Variants in LRRC4C observed in about 807,000 individuals in gnomAD.
The protein encoded by LRRC4C is leucine rich repeat containing 4C, also known as leucine-rich repeat-containing protein 4C.
In LRRC4C, 5 loss-of-function variants were observed where a neutral mutation model predicts 33.6. The ratio of observed to expected loss-of-function variants is 0.15; its 90% confidence interval spans 0.08 to 0.31. The LOEUF is 0.31. Among genes scored for constraint, LRRC4C ranks in the 10% least tolerant of loss-of-function variants. The probability of loss-of-function intolerance (pLI) is 1.00; values close to 1 mark genes in which losing one functional copy is unlikely to be tolerated. For synonymous variants in LRRC4C, 329 were observed against 302.0 expected (o/e 1.09, Z -0.93); for missense variants, 560 against 796.7 (o/e 0.70, Z 3.58).
intron 3 of LRRC4C, among the ~76,000 whole-genome samples, chr11:40,565,039 G>T (rs1014847950): frequency 2.0e-5 from 3 of 152,170 alleles, no homozygotes; most frequent in Admixed American, 6.5e-5. Context: ...AACCAACCAA[G>T]ACCTGCAGAG....
chr11:40,674,492 A>G (rs1453410134), intron 2 of LRRC4C, among the ~76,000 whole-genome samples: 1 of 152,228 alleles, frequency 6.6e-6, no homozygotes, highest in Non-Finnish European at 1.5e-5. Context: ...GGATGTTGAC[A>G]GCAAACAGCC....
chr11:40,518,151 A>G (rs1191195876), intron 3 of LRRC4C, among the ~76,000 whole-genome samples: 5 of 152,202 alleles, frequency 3.3e-5, no homozygotes, highest in Admixed American at 2.6e-4. Flanking sequence ...TTAAACCATA[A>G]AAATCCTAGA....
At chr11:40,989,970 G>T (rs903079544) in intron 1 of LRRC4C, among the ~76,000 whole-genome samples, 1 of 151,626 alleles carries the variant, frequency 6.6e-6, no homozygotes, top group Non-Finnish European at 1.5e-5. Flanking sequence ...ATCTAGAGAT[G>T]ATTTAAAGTA....
chr11:40,368,338 A>T (rs1400907774), intron 3 of LRRC4C, among the ~76,000 whole-genome samples: 1 of 152,144 alleles, frequency 6.6e-6, no homozygotes, highest in Non-Finnish European at 1.5e-5. Context: ...TCTTAATCTT[A>T]GGTAATGACT....
intron 1 of LRRC4C, among the ~76,000 whole-genome samples, chr11:41,067,646 C>T (rs1417869257): frequency 6.6e-6 from 1 of 152,176 alleles, no homozygotes; most frequent in African/African-American, 2.4e-5. Context: ...TATTCTACAA[C>T]TGACCACATA....
chr11:40,494,627 A>C (rs975428403), intron 3 of LRRC4C, among the ~76,000 whole-genome samples: 1 of 152,152 alleles, frequency 6.6e-6, no homozygotes, highest in African/African-American at 2.4e-5. Context: ...TTCAAGATTA[A>C]ACCACACATA....
intron 1 of LRRC4C, among the ~76,000 whole-genome samples, chr11:40,961,122 A>G (rs1477608162): frequency 6.6e-6 from 1 of 151,728 alleles, no homozygotes; most frequent in Non-Finnish European, 1.5e-5. Flanking sequence ...GATGAACAGG[A>G]AATTTGGAAA....
intron 3 of LRRC4C, among the ~76,000 whole-genome samples, chr11:40,602,527 T>C (rs1204059675): frequency 6.7e-6 from 1 of 149,306 alleles, no homozygotes; most frequent in African/African-American, 2.5e-5. Flanking sequence ...TTCTATGTTA[T>C]CACAATATAG....
At chr11:41,109,992 C>T (rs900893366) in intron 1 of LRRC4C, among the ~76,000 whole-genome samples, 1 of 152,038 alleles carries the variant, frequency 6.6e-6, no homozygotes, top group Non-Finnish European at 1.5e-5. Flanking sequence ...AAATGCAACA[C>T]CAACCTCTTT....
chr11:40,744,091 C>G (rs998214975), intron 2 of LRRC4C, among the ~76,000 whole-genome samples: 1 of 151,992 alleles, frequency 6.6e-6, no homozygotes, highest in Non-Finnish European at 1.5e-5. Flanking sequence ...CACCGTGTTC[C>G]GGCACTTCTG....
intron 3 of LRRC4C, among the ~76,000 whole-genome samples, chr11:40,359,571 G>C (rs892368557): frequency 6.6e-6 from 1 of 152,006 alleles, no homozygotes; most frequent in Non-Finnish European, 1.5e-5. Context: ...ACTATCTAAG[G>C]ATCCTTGCCT....
rs952170264 is a variant in LRRC4C, at chr11:40,328,546, G to A, written c.-269-8825C>T. Among the ~76,000 whole-genome samples the A allele has an allele frequency of 2.0e-5, 3 of 152,062 alleles. No homozygotes were observed. The South Asian group carries it at 6.2e-4, about 32-fold the overall frequency. ...ATCCACGTCATCATACTCTTTCTGG[G>A]ACTTCTCTAAGGCAGACAAGAATAG... On this transcript the variant is annotated intron_variant, in intron 3 of 6. Coordinates refer to ENST00000528697, the MANE Select transcript of LRRC4C (RefSeq NM_001258419.2).
chr11:40,320,857 C>T (rs1012509720), intron 3 of LRRC4C, among the ~76,000 whole-genome samples: 1 of 152,072 alleles, frequency 6.6e-6, no homozygotes, highest in Admixed American at 6.6e-5. Context: ...TTAAATAAAG[C>T]CTGAATTTTT....
chr11:40,233,524 C>T (rs1865351616), intron 5 of LRRC4C, among the ~76,000 whole-genome samples: 1 of 152,036 alleles, frequency 6.6e-6, no homozygotes, highest in Non-Finnish European at 1.5e-5. Context: ...ACGCAGAGAG[C>T]TGATATTTTG....
chr11:40,669,964 A>G (rs1367202866), intron 2 of LRRC4C, among the ~76,000 whole-genome samples: 4 of 152,214 alleles, frequency 2.6e-5, no homozygotes, highest in African/African-American at 7.2e-5. Context: ...AAACAACCAC[A>G]TAATAGTCTC....
intron 1 of LRRC4C, among the ~76,000 whole-genome samples, chr11:41,365,209 G>A (rs1159067543): frequency 5.9e-5 from 9 of 152,048 alleles, no homozygotes; most frequent in Non-Finnish European, 1.2e-4. Context: ...TCATAGGAGT[G>A]TGAACCTATT....
chr11:40,546,072 T>A (rs1314629004), intron 3 of LRRC4C, among the ~76,000 whole-genome samples: 17 of 116,064 alleles, frequency 1.5e-4, no homozygotes, highest in African/African-American at 6.5e-4. Context: ...CTTCCTTCCT[T>A]CCTTCCTTCC....
intron 1 of LRRC4C, among the ~76,000 whole-genome samples, chr11:41,137,750 G>A (rs1943328744): frequency 6.6e-6 from 1 of 152,170 alleles, no homozygotes; most frequent in East Asian, 1.9e-4. Context: ...ATTTTTGTTA[G>A]CTTTCAAACA....
chr11:40,485,921 C>T (rs567757675), intron 3 of LRRC4C, among the ~76,000 whole-genome samples: 1 of 152,034 alleles, frequency 6.6e-6, no homozygotes, highest in Admixed American at 6.6e-5. Context: ...CATGTTCTCA[C>T]TTATAAGTGG....
Sources: gnomAD v4.1 joint callset for allele counts (sites outside exome capture counted in the v4.1 genomes callset) on GRCh38, gnomAD v4.1.1 for gene constraint, MANE v1.5 for transcripts, NCBI Gene and HGNC (gene_info 2026-07-23, HGNC 2026-07-21) for gene names.